The following FUNDC1 variants were observed in gnomAD, a reference collection of about 807,000 sequenced individuals.
FUNDC1 encodes the protein FUN14 domain-containing protein 1.
A neutral mutation model predicts 14.5 loss-of-function variants in FUNDC1; 10 were observed. The ratio of observed to expected loss-of-function variants is 0.69; its 90% CI spans 0.43 to 1.17. The LOEUF (loss-of-function observed/expected upper bound fraction) is 1.17. Ranked by LOEUF, FUNDC1 falls within the 50% of genes most tolerant of loss-of-function variation. The pLI is 0.00. For missense variants in FUNDC1, 115 were observed against 113.8 expected, an observed-to-expected ratio of 1.01 and a Z score of -0.05; for synonymous variants, 33 against 39.7, an observed-to-expected ratio of 0.83 and a Z score of 0.64.
Position 44,542,812 on chromosome X carries a change from AG to A in FUNDC1, c.20del (p.Pro7LeufsTer17). The A allele has an allele frequency of 1.7e-6, 2 of 1,168,192 alleles. No individual in the cohort carries two copies. The highest frequency in any genetic ancestry group is 1.1e-6 in the Non-Finnish European group (1 of 873,102). ...CGGGCCCTGGCCGCTCACCTTGGGG[AG>A]GGGGGTTCCGGGTCGCCATGATACC... MATRNPPPQDYESDDDS... is the reference protein window; with the variant it reads MATRNPXPQDYESDDDS... On this transcript the variant is annotated frameshift_variant, in exon 1 of 5. Coordinates refer to ENST00000378045, the MANE Select transcript of FUNDC1 (RefSeq NM_173794.4). LOFTEE classifies it high-confidence loss of function.
rs375907713 is a variant in FUNDC1, at chrX:44,534,668, C to A, written c.261+3799G>T. On this transcript the variant is annotated intron_variant, in intron 3 of 4. Transcript: ENST00000378045. ...TAGAATTACTTTAAACTTTTAACAGCAACACTGGAAGTCAGAAGACAATGG... is the reference window on the plus strand; with the variant it reads ...TAGAATTACTTTAAACTTTTAACAGAAACACTGGAAGTCAGAAGACAATGG... 1.6e-4 allele frequency among the ~76,000 whole-genome samples: 18 copies of A among 110,389 alleles called. No individual in the cohort carries two copies. The South Asian group carries it at 6.6e-3, about 41-fold the overall frequency.
rs750491968 is a variant in FUNDC1, at chrX:44,533,600, C to G, written c.261+4867G>C. On this transcript the variant is annotated intron_variant, in intron 3 of 4. Transcript: ENST00000378045. ...CCGAGATCGTGCCACTGCACTCCAG[C>G]CTGGGTGACAGAGCAAGACTCCGTC... Among the ~76,000 whole-genome samples the G allele has an allele frequency of 4.4e-4, 40 of 91,334 alleles. No homozygotes were observed. In the Middle Eastern group the frequency reaches 0.018, roughly 42 times the overall value. The allele number at this position is 91,334 out of a possible 115,157, so 79.3% of individuals were successfully genotyped here. A position where few individuals can be genotyped will look rare whatever the true frequency, so the allele number is the denominator to read the frequency against.
At chrX:44,538,624 T>TA (rs1382057627) in intron 2 of FUNDC1, 82 bp from the exon 3 acceptor site, 13 of 731,792 alleles carry the variant, frequency 1.8e-5, no homozygotes, top group Middle Eastern at 3.1e-4. Flanking sequence ...GCTTTCCTAA[T>TA]AAAATCTTAT....
At chrX:44,530,316 T>A (rs906952927) in intron 3 of FUNDC1, among the ~76,000 whole-genome samples, 3 of 111,877 alleles carry the variant, frequency 2.7e-5, no homozygotes, top group Non-Finnish European at 3.8e-5. Flanking sequence ...TAAAATAAAA[T>A]AATTCCAGGC....
At chrX:44,530,887 C>T (rs2038919628) in intron 3 of FUNDC1, among the ~76,000 whole-genome samples, 1 of 110,325 alleles carries the variant, frequency 9.1e-6, no homozygotes, top group Non-Finnish European at 1.9e-5. Context: ...GAGATCTCGC[C>T]ACTGCATTCC....
In FUNDC1 at chrX:44,523,732, T is replaced by C. The variant is rs866350783; in HGVS notation, c.*466A>G. 2.8e-5 allele frequency: 3 copies of C among 105,325 alleles called. No homozygotes were observed. Among genetic ancestry groups the C allele is most frequent in the Non-Finnish European group, 5.8e-5 (3 of 51,711 alleles). 8.7% of individuals were successfully genotyped at this position (105,325 alleles called of 1,213,427 possible). A position where few individuals can be genotyped will look rare whatever the true frequency, so the allele number is the denominator to read the frequency against. On this transcript the variant is annotated 3_prime_UTR_variant, in exon 5 of 5. Coordinates refer to ENST00000378045, the MANE Select transcript of FUNDC1 (RefSeq NM_173794.4). The stretch of plus-strand genomic sequence containing the variant: ...AGGGTATTACAGTTTTTTAACTTAT[T>C]GCAAACATATCTTAAAAAAAAAAAG...
rs2038892505 is a variant in FUNDC1, at chrX:44,524,218, A to C, written c.448T>G (p.Leu150Val). 8.3e-7 allele frequency: 1 copy of C among 1,204,757 alleles called. No individual in the cohort carries two copies. Among genetic ancestry groups the C allele is most frequent in the Non-Finnish European group, 1.1e-6 (1 of 889,293 alleles). ...TGTCCTTAAGATGCAAGTCCGAGCA[A>C]AAAGCCTCCCACAAATCCACTGGAT... ...VISSGFVGGF[L>V]LGLAS Residue 150 changes from leucine to valine, a missense_variant, in exon 5 of 5, where the codon TTG (leucine) becomes GTG (valine). Transcript: ENST00000378045.
chrX:44,541,042 C>A (rs1245127114), intron 2 of FUNDC1, among the ~76,000 whole-genome samples: 1 of 111,922 alleles, frequency 8.9e-6, no homozygotes, highest in Non-Finnish European at 1.9e-5. Flanking sequence ...TTCCAAGGTG[C>A]ATGTAAAACA....
rs1355768869 is a variant in FUNDC1 at position 44,542,814 on chromosome X, G to C, written c.19C>G (p.Pro7Ala). 2.8e-5 allele frequency: 33 copies of C among 1,167,569 alleles called. No homozygotes were observed. The highest frequency in any genetic ancestry group is 3.6e-5 in the Non-Finnish European group (31 of 873,191). MATRNP[P>A]PQDYESDDDS... ...GGCCCTGGCCGCTCACCTTGGGGAG[G>C]GGGGTTCCGGGTCGCCATGATACCG... The change falls in exon 1 of 5, where the codon CCT becomes GCT. Residue 7 changes from proline (P) to alanine (A), a missense_variant. Coordinates refer to ENST00000378045, the MANE Select transcript of FUNDC1 (RefSeq NM_173794.4).
intron 2 of FUNDC1, among the ~76,000 whole-genome samples, chrX:44,541,229 T>C (rs185011770): frequency 1.3e-4 from 15 of 112,337 alleles, no homozygotes; most frequent in Middle Eastern, 4.7e-3. Flanking sequence ...ACAGTCAAAT[T>C]TGTTTCTGCC....
chrX:44,542,205 T>G, intron 1 of FUNDC1, 104 bp from the exon 2 acceptor site: 1 of 603,302 alleles, frequency 1.7e-6, no homozygotes, highest in Non-Finnish European at 2.5e-6. Context: ...AGTTCTGGCC[T>G]ACAGCTAAAA....
In FUNDC1 at chrX:44,542,451, G is replaced by C. The variant is rs2038976070; in HGVS notation, c.29-350C>G. ...GTCCATTTTCATCAGTGGGAGGAAT[G>C]GGGGTGGGGAGGGGTCCTCCTGAGA... is the stretch of plus-strand genomic sequence containing the variant. On this transcript the variant is annotated intron_variant, in intron 1 of 4. Coordinates refer to ENST00000378045, the MANE Select transcript of FUNDC1 (RefSeq NM_173794.4). 5 of 376,934 alleles carry C rather than the reference G, an allele frequency of 1.3e-5. No homozygotes were observed. The South Asian group carries it at 2.2e-4, about 17-fold the overall frequency. The allele number at this position is 376,934 out of a possible 1,213,427, so 31.1% of individuals were successfully genotyped here.
chrX:44,530,345 C>T (rs2038917346), intron 3 of FUNDC1, among the ~76,000 whole-genome samples: 1 of 112,277 alleles, frequency 8.9e-6, no homozygotes, highest in African/African-American at 3.2e-5. Flanking sequence ...GTGGCTCACG[C>T]CTGTAATGTT....
chrX:44,541,905 G>A, intron 2 of FUNDC1, 40 bp downstream of exon 2: 2 of 1,160,326 alleles, frequency 1.7e-6, no homozygotes. Flanking sequence ...GCAGTGTCAG[G>A]CCCCCAAATG....
At chrX:44,539,181 G>A (rs939012597) in intron 2 of FUNDC1, among the ~76,000 whole-genome samples, 1 of 111,341 alleles carries the variant, frequency 9.0e-6, no homozygotes, top group African/African-American at 3.3e-5. Context: ...CCCTGTGTCA[G>A]CTCATACTTC....
intron 3 of FUNDC1, among the ~76,000 whole-genome samples, chrX:44,533,480 T>G (rs2038934238): frequency 9.3e-6 from 1 of 107,699 alleles, no homozygotes; most frequent in African/African-American, 3.4e-5. Flanking sequence ...ATACAAAAAT[T>G]AGCTGGGTGT....
chrX:44,536,319 G>GAAAAAA (rs56323948), intron 3 of FUNDC1, among the ~76,000 whole-genome samples: 1 of 64,663 alleles, frequency 1.5e-5, no homozygotes. Context: ...ACTCTGTCTC[G>GAAAAAA]AAAAAAAAAA....
chrX:44,530,985 T>C (rs2038919983), intron 3 of FUNDC1, among the ~76,000 whole-genome samples: 1 of 110,072 alleles, frequency 9.1e-6, no homozygotes, highest in African/African-American at 3.3e-5. Flanking sequence ...CTCACGCCTA[T>C]AATCCCAACA....
chrX:44,536,207 T>G (rs2038948597), intron 3 of FUNDC1, among the ~76,000 whole-genome samples: 1 of 106,719 alleles, frequency 9.4e-6, no homozygotes, highest in Admixed American at 1.0e-4. Context: ...TAATCCCAGC[T>G]ACTTGGGAGG....
Sources: allele counts gnomAD v4.1 joint callset (sites outside exome capture counted in the v4.1 genomes callset), GRCh38; gene constraint gnomAD v4.1.1; transcripts MANE v1.5; gene names NCBI Gene and HGNC (gene_info 2026-07-23, HGNC 2026-07-21).